Variants in PAEP observed in about 807,000 individuals in gnomAD.
The protein encoded by PAEP is glycodelin.
PAEP carries 28 observed loss-of-function variants against 23.0 expected under a neutral mutation model. That is an observed-to-expected ratio of 1.22 (90% confidence interval 0.90 to 1.67). The LOEUF is 1.67. Among genes scored for constraint, PAEP ranks in the 40% most tolerant of loss-of-function variants. PAEP has a pLI of 0.00. For synonymous variants in PAEP, 103 were observed against 92.4 expected, an observed-to-expected ratio of 1.12 and a Z score of -0.66; for missense variants, 209 against 226.4, an observed-to-expected ratio of 0.92 and a Z score of 0.49.
At chr9:135,565,383 C>T (rs373160904) in intron 4 of PAEP, 27 bp from the exon 5 acceptor site, 1 of 1,592,520 alleles carries the variant, frequency 6.3e-7, no homozygotes, top group South Asian at 1.1e-5. Flanking sequence ...CCCCAGGGGC[C>T]CAGGACTGAC....
chr9:135,565,750 C>T (rs770696500), intron 5 of PAEP, 35 bp from the exon 6 acceptor site: 27 of 1,613,652 alleles, frequency 1.7e-5, no homozygotes, highest in Non-Finnish European at 2.2e-5. Context: ...TCTCTTCTCT[C>T]GCTGACACCT....
chr9:135,565,766 G>T lies in PAEP; in HGVS notation c.527-19G>T. On this transcript the variant is annotated intron_variant, in intron 5 of 6. Transcript: ENST00000479141. ...CTCTTCTCTCGCTGACACCTCCACT[G>T]TCCCATCTCCTCCCACAGAGCCGTG... 1 of 1,614,018 alleles carries T rather than the reference G, an allele frequency of 6.2e-7. No homozygotes were observed. Among genetic ancestry groups the T allele is most frequent in the East Asian group, 2.2e-5 (1 of 44,864 alleles).
At chr9:135,562,480 C>G in intron 2 of PAEP, 47 bp downstream of exon 2, 1 of 1,598,312 alleles carries the variant, frequency 6.3e-7, no homozygotes, top group Non-Finnish European at 8.5e-7. Context: ...CTCAGTCTCC[C>G]CCCTCAGGGG....
intron 1 of PAEP, 151 bp from the exon 2 acceptor site, chr9:135,562,143 A>G: frequency 2.2e-6 from 2 of 921,970 alleles, no homozygotes; most frequent in Non-Finnish European, 3.2e-6. Context: ...CATTTTAAGT[A>G]CAGGAAATTT....
intron 3 of PAEP, among the ~76,000 whole-genome samples, chr9:135,563,154 T>G (rs1043560614): frequency 2.6e-4 from 40 of 152,234 alleles, no homozygotes; most frequent in Admixed American, 2.6e-3. Flanking sequence ...AGGGGACAGG[T>G]GCTTTGTTGC....
At chr9:135,563,629 C>A (rs1446167254) in intron 3 of PAEP, among the ~76,000 whole-genome samples, 1 of 151,846 alleles carries the variant, frequency 6.6e-6, no homozygotes, top group Non-Finnish European at 1.5e-5. Flanking sequence ...AGCTCCCAGG[C>A]CTCTCTGGGG....
At position 135,561,865 on chromosome 9, in the gene PAEP, C is replaced by T; in HGVS notation, c.64C>T (p.Pro22Ser). ...LVCGVPAMDI[P>S]QTKQDLELPK... ...CTGTGGTGTCCCGGCCATGGACATC[C>T]CCCAGACCAAGCAGGACCTGGAGCT... The change falls in exon 1 of 7, where the codon CCC (proline) becomes TCC (serine). Residue 22 changes from proline (P) to serine (S), a missense_variant. Transcript: ENST00000479141. The T allele has an allele frequency of 3.2e-6, 5 of 1,567,698 alleles. No homozygotes were observed. The highest frequency in any genetic ancestry group is 3.5e-6 in the Non-Finnish European group (4 of 1,155,548).
intron 2 of PAEP, 88 bp downstream of exon 2, chr9:135,562,521 A>T: frequency 4.7e-6 from 7 of 1,485,484 alleles, no homozygotes; most frequent in Non-Finnish European, 5.5e-6. Context: ...GCGGAGCTGG[A>T]CTTAGCCCCA....
intron 3 of PAEP, among the ~76,000 whole-genome samples, chr9:135,563,514 GCAGGTGGGCAGGTGGGCAGGTGGGC>G (rs1832432638): frequency 9.2e-6 from 1 of 109,146 alleles, no homozygotes; most frequent in African/African-American, 3.4e-5. Flanking sequence ...GAACAGGTGG[GCAGGTGGGCAGGTGGGCAGGTGGGC>G]AGGTGGGCAA....
At chr9:135,566,452 AT>A (rs1832581329) in intron 6 of PAEP, 100 bp from the exon 7 acceptor site, 1 of 154,926 alleles carries the variant, frequency 6.5e-6, no homozygotes, top group Non-Finnish European at 1.5e-5. Context: ...TCAGTGCCAC[AT>A]TCTTAAGGGG....
In PAEP at chr9:135,562,984, G is replaced by A. The variant is rs776015070; in HGVS notation, c.310+91G>A. On this transcript the variant is annotated intron_variant, in intron 3 of 6. Transcript: ENST00000479141. ...GGCTCTGCTGGGGCATGAGGGAGTG[G>A]GGCCTGGCCTGTCCCCACTCTCTCT... 6 of 953,534 alleles carry A rather than the reference G, an allele frequency of 6.3e-6. No homozygotes were observed. In the Admixed American group the frequency reaches 1.1e-4, roughly 17 times the overall value. The allele number at this position is 953,534 out of a possible 1,614,324, so 59.1% of individuals were successfully genotyped here.
rs370550653 is a variant in PAEP at position 135,562,274 on chromosome 9, G to A, written c.97-20G>A. On this transcript the variant is annotated intron_variant, in intron 1 of 6. Coordinates refer to ENST00000479141, the MANE Select transcript of PAEP (RefSeq NM_002571.4). ...AGCCATGGTGGGGTGGGACCGCCGT[G>A]CAGCCCAAGGCCCCCTCAGTTGGCA... The A allele has an allele frequency of 2.5e-6, 4 of 1,610,940 alleles. No homozygotes were observed. The highest frequency in any genetic ancestry group is 2.7e-5 in the African/African-American group (2 of 74,882).
intron 2 of PAEP, 149 bp downstream of exon 2, chr9:135,562,582 G>A (rs1832361907): frequency 6.3e-6 from 7 of 1,116,358 alleles, no homozygotes; most frequent in African/African-American, 1.6e-5. Context: ...ATGAGGGTGG[G>A]GTGGAAAACC....
rs568273312 is a variant in PAEP, at chr9:135,565,133, G to T, written c.422-277G>T. On this transcript the variant is annotated intron_variant, in intron 4 of 6. Coordinates refer to ENST00000479141, the MANE Select transcript of PAEP (RefSeq NM_002571.4). ...GCCAGGCACTGTGCTCTCCTGTGAC[G>T]CTGTAGACACCATCCTAAGCTGTGC... Among the ~76,000 whole-genome samples the T allele has an allele frequency of 5.3e-5, 8 of 152,318 alleles. No homozygotes were observed. In the East Asian group the frequency reaches 1.4e-3, roughly 26 times the overall value.
At chr9:135,562,243 A>G (rs1383098452) in intron 1 of PAEP, 51 bp from the exon 2 acceptor site, 2 of 1,596,854 alleles carry the variant, frequency 1.3e-6, no homozygotes, top group South Asian at 1.1e-5. Context: ...CACCGGGTGC[A>G]ACGAGAGCCA....
At position 135,562,407 on chromosome 9, in the gene PAEP, C is replaced by A. The variant is rs201378155; in HGVS notation, c.210C>A (p.Asp70Glu). Residue 70 changes from aspartate (D) to glutamate (E), a missense_variant, in exon 2 of 7, where the codon GAC (aspartate) becomes GAA (glutamate). Physicochemically the swap from Asp to Glu is conservative, Grantham distance 45. Coordinates refer to ENST00000479141, the MANE Select transcript of PAEP (RefSeq NM_002571.4). ...CCTCACTGTTGCCCACCCCCGAGGACAACCTGGAGATCGTTCTGCACAGAT... is the reference window on the plus strand; with the variant it reads ...CCTCACTGTTGCCCACCCCCGAGGAAAACCTGGAGATCGTTCTGCACAGAT... ...HITSLLPTPE[D>E]NLEIVLHRWE... is the part of the protein sequence containing the mutation. The A allele has an allele frequency of 6.2e-7, 1 of 1,614,060 alleles. No individual in the cohort carries two copies. The highest frequency in any genetic ancestry group is 8.5e-7 in the Non-Finnish European group (1 of 1,179,976).
chr9:135,563,278 G>A (rs1832402510), intron 3 of PAEP, among the ~76,000 whole-genome samples: 2 of 151,838 alleles, frequency 1.3e-5, no homozygotes, highest in Non-Finnish European at 1.5e-5. Context: ...AGGAGGGTAG[G>A]TGAACAGGTG....
At chr9:135,564,099 G>A in intron 3 of PAEP, 145 bp from the exon 4 acceptor site, 18 of 1,308,330 alleles carry the variant, frequency 1.4e-5, no homozygotes, top group Non-Finnish European at 1.8e-5. Flanking sequence ...TGGCTTCCCT[G>A]ATCATGGTCC....
intron 5 of PAEP, 70 bp downstream of exon 5, chr9:135,565,584 C>T (rs991612260): frequency 1.4e-6 from 2 of 1,468,342 alleles, no homozygotes; most frequent in African/African-American, 1.4e-5. Flanking sequence ...CCCGAGCCCC[C>T]TGCTGGCTCT....
Sources: allele counts gnomAD v4.1 joint callset (sites outside exome capture counted in the v4.1 genomes callset), GRCh38; gene constraint gnomAD v4.1.1; transcripts MANE v1.5; gene names NCBI Gene and HGNC (gene_info 2026-07-23, HGNC 2026-07-21).